The following RIC1 variants were observed in gnomAD, a reference collection of about 807,000 sequenced individuals.
RIC1 encodes RIC1 partner of RAB6A GEF complex, also known as guanine nucleotide exchange factor subunit RIC1.
A neutral mutation model predicts 169.0 loss-of-function variants in RIC1; 88 were observed. That is an observed-to-expected ratio of 0.52 (90% CI 0.44 to 0.62). The LOEUF (loss-of-function observed/expected upper bound fraction) is 0.62. RIC1 is among the 20% of genes least tolerant of loss of function. The probability of loss-of-function intolerance (pLI) is 0.00; values close to 1 mark genes in which losing one functional copy is unlikely to be tolerated. For missense variants in RIC1, 1,877 were observed against 1,725.5 expected, an observed-to-expected ratio of 1.09 and a Z score of -1.56; for synonymous variants, 790 against 601.5, an observed-to-expected ratio of 1.31 and a Z score of -4.59.
At chr9:5,646,746 TTC>T (rs748534696) in intron 1 of RIC1, among the ~76,000 whole-genome samples, 5 of 152,242 alleles carry the variant, frequency 3.3e-5, no homozygotes, top group Non-Finnish European at 5.9e-5. Context: ...CTGTATTTTC[TTC>T]TGTTTCAAGG....
At chr9:5,752,327 T>C (rs1825769614) in intron 12 of RIC1, among the ~76,000 whole-genome samples, 1 of 152,188 alleles carries the variant, frequency 6.6e-6, no homozygotes, top group African/African-American at 2.4e-5. Flanking sequence ...CTCTTTCATG[T>C]ACATATATAT....
At chr9:5,751,469 C>T (rs949545759) in intron 12 of RIC1, among the ~76,000 whole-genome samples, 3 of 151,768 alleles carry the variant, frequency 2.0e-5, no homozygotes, top group Admixed American at 6.5e-5. Flanking sequence ...GATTCTCCTG[C>T]GTCAGCTTCC....
At chr9:5,690,990 T>G (rs1821560754) in intron 3 of RIC1, among the ~76,000 whole-genome samples, 1 of 151,908 alleles carries the variant, frequency 6.6e-6, no homozygotes, top group African/African-American at 2.4e-5. Flanking sequence ...AATATAACCA[T>G]TTTTATTTTT....
chr9:5,753,573 T>G lies in RIC1; in HGVS notation c.1529T>G (p.Val510Gly). The G allele has an allele frequency of 6.2e-7, 1 of 1,611,396 alleles. No homozygotes were observed. The highest frequency in any genetic ancestry group is 8.5e-7 in the Non-Finnish European group (1 of 1,178,970). ...GATAAGCTTGGACAGAATATTGCTG[T>G]GGTTGGCAAGTTTGGTTTTGCACAT... is the stretch of plus-strand genomic sequence containing the variant. ...AIDKLGQNIAVVGKFGFAHYS... is the reference protein window; with the variant it reads ...AIDKLGQNIAGVGKFGFAHYS... Residue 510 changes from valine to glycine, a missense_variant, in exon 14 of 26, where the codon GTG (valine) becomes GGG (glycine). Val to Gly is a moderately radical substitution (Grantham distance 109). Around this residue, in one of 3 missense-constraint regions of RIC1, gnomAD observed 1,104 missense variants for 992.0 expected, o/e 1.11. Transcript: ENST00000414202.
intron 6 of RIC1, among the ~76,000 whole-genome samples, chr9:5,730,050 A>T (rs968911623): frequency 3.3e-5 from 5 of 152,200 alleles, no homozygotes; most frequent in Non-Finnish European, 5.9e-5. Context: ...TTAAAAACTA[A>T]TGAAAAGCAG....
chr9:5,763,074 C>G lies in RIC1; in HGVS notation c.2113-66C>G. 5 of 1,544,154 alleles carry G rather than the reference C, an allele frequency of 3.2e-6. No homozygotes were observed. Among genetic ancestry groups the G allele is most frequent in the East Asian group, 2.3e-5 (1 of 44,290 alleles). On this transcript the variant is annotated intron_variant, in intron 18 of 25. Transcript: ENST00000414202. The surrounding 1 kb of genome is among the most constrained non-coding windows in gnomAD (Gnocchi z 5.2). ...ATTTGAAAGACTTAGTAAACTAGTA[C>G]CTAGGAACTTAAGAACCTGCAGATT...
intron 3 of RIC1, among the ~76,000 whole-genome samples, chr9:5,697,262 TTC>T (rs1821960400): frequency 6.6e-6 from 1 of 152,244 alleles, no homozygotes. Context: ...TATGCTTGGT[TTC>T]TCTCACTCTA....
intron 1 of RIC1, among the ~76,000 whole-genome samples, chr9:5,645,176 C>T (rs1192091402): frequency 6.6e-6 from 1 of 152,100 alleles, no homozygotes; most frequent in Admixed American, 6.5e-5. Flanking sequence ...ACCCCAGCCT[C>T]CCTAGTAGCT....
intron 2 of RIC1, among the ~76,000 whole-genome samples, chr9:5,689,678 TACTC>T (rs1821479796): frequency 6.6e-6 from 1 of 152,232 alleles, no homozygotes; most frequent in Admixed American, 6.5e-5. Flanking sequence ...AATAGTCACT[TACTC>T]ATTATTGAAT....
intron 12 of RIC1, among the ~76,000 whole-genome samples, chr9:5,752,218 G>A (rs113912246): frequency 9.9e-5 from 15 of 152,158 alleles, no homozygotes; most frequent in African/African-American, 2.9e-4. Context: ...AAAAATGAAC[G>A]CCTTTTCTTG....
At chr9:5,772,783 G>C (rs2131154990) in intron 24 of RIC1, 42 bp downstream of exon 24, 3 of 1,575,676 alleles carry the variant, frequency 1.9e-6, no homozygotes, top group Non-Finnish European at 2.6e-6. Flanking sequence ...TGCCTACTCA[G>C]AGTATTTGGG....
intron 10 of RIC1, 128 bp downstream of exon 10, chr9:5,743,865 C>T: frequency 5.9e-6 from 4 of 681,996 alleles, no homozygotes; most frequent in Non-Finnish European, 1.0e-5. Flanking sequence ...GGTTGGAGAG[C>T]AGTGGCAGAT....
At position 5,738,541 on chromosome 9, in the gene RIC1, G is replaced by GTTT; in HGVS notation, c.901+3_901+4insTTT. 2 of 1,132,914 alleles carry GTTT rather than the reference G, an allele frequency of 1.8e-6. No homozygotes were observed. The highest frequency in any genetic ancestry group is 2.5e-6 in the Non-Finnish European group (2 of 806,052). The allele number at this position is 1,132,914 out of a possible 1,614,324, so 70.2% of individuals were successfully genotyped here. On this transcript the variant is annotated splice_donor_region_variant and intron_variant, in intron 8 of 25. Transcript: ENST00000414202. ...GCTAACAGCAAAACAGTATCCTGGTGAGTCTTTTTTTTTTTTTTTTTTTTT... is the reference window on the plus strand; with the variant it reads ...GCTAACAGCAAAACAGTATCCTGGTGTTTAGTCTTTTTTTTTTTTTTTTTTTTT...
chr9:5,647,939 T>C (rs1340580951), intron 1 of RIC1, among the ~76,000 whole-genome samples: 2 of 93,508 alleles, frequency 2.1e-5, no homozygotes, highest in African/African-American at 8.9e-5. Flanking sequence ...TGGGGGTGGG[T>C]GGTGGTGGTG....
At chr9:5,772,517 T>C (rs771930773) in intron 23 of RIC1, 47 bp from the exon 24 acceptor site, 32 of 1,441,386 alleles carry the variant, frequency 2.2e-5, no homozygotes, top group Non-Finnish European at 2.9e-5. Context: ...AAGGAAAATA[T>C]ATTTTCTCCA....
rs966780423 is a variant in RIC1, at chr9:5,774,427, T to C, written c.*181T>C. ...TCTTTTTGACTCCATAAAAATGTGATATAAAGCATCTTTCATAAAAAAATT... is the reference window on the plus strand; with the variant it reads ...TCTTTTTGACTCCATAAAAATGTGACATAAAGCATCTTTCATAAAAAAATT... On this transcript the variant is annotated 3_prime_UTR_variant, in exon 26 of 26. Coordinates refer to ENST00000414202, the MANE Select transcript of RIC1 (RefSeq NM_020829.4). 2.0e-6 allele frequency: 1 copy of C among 500,472 alleles called. No individual in the cohort carries two copies. Among genetic ancestry groups the C allele is most frequent in the Non-Finnish European group, 3.3e-6 (1 of 298,822 alleles). 31.0% of individuals were successfully genotyped at this position (500,472 alleles called of 1,614,324 possible). A position where few individuals can be genotyped will look rare whatever the true frequency, so the allele number is the denominator to read the frequency against.
At chr9:5,681,237 A>G (rs1364553384) in intron 2 of RIC1, among the ~76,000 whole-genome samples, 1 of 151,746 alleles carries the variant, frequency 6.6e-6, no homozygotes, top group East Asian at 1.9e-4. Flanking sequence ...TTCTCTAGTT[A>G]TTTTAATTGT....
At chr9:5,654,649 T>A (rs1323910086) in intron 1 of RIC1, among the ~76,000 whole-genome samples, 1 of 151,944 alleles carries the variant, frequency 6.6e-6, no homozygotes, top group Non-Finnish European at 1.5e-5. Flanking sequence ...AAGCAGTTCT[T>A]CTGCCTCAGC....
chr9:5,683,838 G>T (rs983792904), intron 2 of RIC1, among the ~76,000 whole-genome samples: 1 of 152,196 alleles, frequency 6.6e-6, no homozygotes, highest in African/African-American at 2.4e-5. Context: ...TCAAGCCTCG[G>T]GAATGGCGGG....
Sources: allele counts gnomAD v4.1 joint callset (sites outside exome capture counted in the v4.1 genomes callset), GRCh38; gene constraint gnomAD v4.1.1; regional missense constraint gnomAD v4.1.1; non-coding constraint Gnocchi (gnomAD v3.1); transcripts MANE v1.5; gene names NCBI Gene and HGNC (gene_info 2026-07-23, HGNC 2026-07-21).